Variants in PLEKHG1 observed in about 807,000 individuals in gnomAD.
PLEKHG1 encodes pleckstrin homology domain-containing family G member 1.
PLEKHG1 carries 44 observed loss-of-function variants against 100.8 expected under a neutral mutation model. The observed-to-expected ratio is 0.44, with a 90% CI of 0.34 to 0.56. The LOEUF (loss-of-function observed/expected upper bound fraction) is 0.56. Among genes scored for constraint, PLEKHG1 ranks in the 20% least tolerant of loss-of-function variants. The pLI is 0.01. For synonymous variants in PLEKHG1, 640 were observed against 662.5 expected, an observed-to-expected ratio of 0.97 and a Z score of 0.52; for missense variants, 1,545 against 1,720.9, an observed-to-expected ratio of 0.90 and a Z score of 1.81.
chr6:150,797,971 AAAAT>A (rs1161876313), intron 5 of PLEKHG1, among the ~76,000 whole-genome samples: 2 of 152,034 alleles, frequency 1.3e-5, no homozygotes, highest in African/African-American at 2.4e-5. Flanking sequence ...AAAACAAAAC[AAAAT>A]AAATAAATAG....
intron 3 of PLEKHG1, among the ~76,000 whole-genome samples, chr6:150,659,802 C>T (rs187428889): frequency 9.8e-5 from 15 of 152,304 alleles, no homozygotes; most frequent in Admixed American, 3.9e-4. Context: ...AAAAACTCTG[C>T]TTCAAATACG....
Position 150,801,436 on chromosome 6 carries a change from TC to T in PLEKHG1, c.780+568del, listed in dbSNP as rs1462175492. On this transcript the variant is annotated intron_variant, in intron 6 of 15. Coordinates refer to ENST00000358517, the Ensembl canonical transcript of PLEKHG1. ...TCTTAAATTCTTTTTTCTTTTCTTTTCTTTTTTTTTTTTTTTTTTGAGACAG... is the reference window on the plus strand; with the variant it reads ...TCTTAAATTCTTTTTTCTTTTCTTTTTTTTTTTTTTTTTTTTTTGAGACAG... 5.5e-3 allele frequency among the ~76,000 whole-genome samples: 636 copies of T among 115,610 alleles called. 21 individuals carry two copies. In the East Asian group the frequency reaches 0.079, roughly 14 times the overall value. 75.8% of individuals were successfully genotyped at this position (115,610 alleles called of 152,430 possible).
chr6:150,653,569 G>A (rs1331155531), intron 3 of PLEKHG1, among the ~76,000 whole-genome samples: 2 of 152,042 alleles, frequency 1.3e-5, no homozygotes, highest in Non-Finnish European at 2.9e-5. Flanking sequence ...ATGGCAACAC[G>A]GTGAGACCCC....
At chr6:150,843,615 T>C (rs1282621334) in exon 16 of PLEKHG1, 1 of 152,208 alleles carries the variant, frequency 6.6e-6, no homozygotes, top group African/African-American at 2.4e-5. Context: ...TATAAGATAA[T>C]GAAAGTTAGT....
At chr6:150,796,084 T>C (rs1233717566) in intron 5 of PLEKHG1, among the ~76,000 whole-genome samples, 182 bp downstream of exon 6, 3 of 152,174 alleles carry the variant, frequency 2.0e-5, no homozygotes, top group Non-Finnish European at 2.9e-5. Context: ...CCGTCTGGGC[T>C]TTGGGGCTCC....
At chr6:150,687,738 C>A (rs59155780) in intron 3 of PLEKHG1, among the ~76,000 whole-genome samples, 30,930 of 152,056 alleles carry the variant, frequency 0.2, 5,571 homozygotes, top group African/African-American at 0.49. Context: ...GCCTGCTGCC[C>A]CTCCATGCTC....
chr6:150,805,018 C>T (rs1786977024), intron 7 of PLEKHG1, among the ~76,000 whole-genome samples: 1 of 152,020 alleles, frequency 6.6e-6, no homozygotes, highest in Non-Finnish European at 1.5e-5. Flanking sequence ...TCACCACAAC[C>T]TCTGCCTCTG....
At chr6:150,603,948 G>T (rs964290447) in intron 1 of PLEKHG1, among the ~76,000 whole-genome samples, 1 of 152,148 alleles carries the variant, frequency 6.6e-6, no homozygotes, top group Non-Finnish European at 1.5e-5. Context: ...CTGATGGGAG[G>T]AGAGTCAGGG....
At chr6:150,715,109 T>C (rs901671533) in intron 3 of PLEKHG1, among the ~76,000 whole-genome samples, 2 of 152,138 alleles carry the variant, frequency 1.3e-5, no homozygotes, top group African/African-American at 4.8e-5. Flanking sequence ...TACTGACAGG[T>C]ATTTTTTAAA....
At chr6:150,639,445 T>C (rs2128567058) in intron 2 of PLEKHG1, among the ~76,000 whole-genome samples, 1 of 152,374 alleles carries the variant, frequency 6.6e-6, no homozygotes, top group East Asian at 1.9e-4. Context: ...GAACTACGTA[T>C]TATTGTTAAT....
intron 3 of PLEKHG1, among the ~76,000 whole-genome samples, chr6:150,712,893 T>C (rs1455759388): frequency 7.2e-5 from 11 of 152,254 alleles, no homozygotes; most frequent in African/African-American, 2.4e-4. Context: ...TTAATTTTAA[T>C]TGAAGGACAG....
intron 3 of PLEKHG1, 39 bp from the exon 5 acceptor site, chr6:150,786,351 C>T (rs1785621942): frequency 1.5e-6 from 2 of 1,353,000 alleles, no homozygotes; most frequent in African/African-American, 1.4e-5. Flanking sequence ...ACCCAGAAGA[C>T]TACAATCTAA....
chr6:150,628,576 A>ACACACACACACACACACACACACACAC (rs1317085737), intron 1 of PLEKHG1, among the ~76,000 whole-genome samples: 1 of 108,096 alleles, frequency 9.3e-6, no homozygotes, highest in Non-Finnish European at 2.0e-5. Context: ...ACACACACAC[A>ACACACACACACACACACACACACACAC]CCCCGTCCTT....
At chr6:150,760,114 T>C (rs900516797) in intron 2 of PLEKHG1, among the ~76,000 whole-genome samples, 8 of 152,220 alleles carry the variant, frequency 5.3e-5, no homozygotes, top group Admixed American at 1.3e-4. Context: ...TAAAAACCCT[T>C]TGGGCTTTAC....
intron 6 of PLEKHG1, 121 bp from the exon 8 acceptor site, chr6:150,804,489 G>A (rs1175773915): frequency 7.6e-6 from 6 of 791,164 alleles, no homozygotes; most frequent in South Asian, 2.0e-5. Flanking sequence ...CCAGCTGATA[G>A]TGTGTAAATA....
At chr6:150,738,057 C>G (rs1006454613) in intron 2 of PLEKHG1, among the ~76,000 whole-genome samples, 2 of 151,790 alleles carry the variant, frequency 1.3e-5, no homozygotes, top group African/African-American at 4.8e-5. Flanking sequence ...CAAGAGATCC[C>G]TTTGCCTCAG....
At chr6:150,797,379 C>T (rs904184223) in intron 5 of PLEKHG1, among the ~76,000 whole-genome samples, 1 of 152,074 alleles carries the variant, frequency 6.6e-6, no homozygotes, top group Admixed American at 6.6e-5. Flanking sequence ...TTAAAAGACC[C>T]GGGATGTTGC....
intron 4 of PLEKHG1, among the ~76,000 whole-genome samples, chr6:150,789,666 T>A (rs1785851143): frequency 6.6e-6 from 1 of 152,184 alleles, no homozygotes; most frequent in Non-Finnish European, 1.5e-5. Context: ...ATCCTACAGG[T>A]CCAAAATTGT....
At position 150,683,017 on chromosome 6, in the gene PLEKHG1, T is replaced by C. The variant is rs1437669685; in HGVS notation, c.-99+32231T>C. 6.6e-6 allele frequency among the ~76,000 whole-genome samples: 1 copy of C among 152,358 alleles called. No homozygotes were observed. The highest frequency in any genetic ancestry group is 3.4e-3 in the Middle Eastern group (1 of 294). On this transcript the variant is annotated intron_variant, in intron 3 of 3. Coordinates refer to the PLEKHG1 transcript ENST00000367326. The surrounding 1 kb of genome is among the most constrained non-coding windows in gnomAD (Gnocchi z 4.0). ...CTACAGGGTTGGATGTCATACTTAATGCTGATGGCTTCGTGCGCATCTTAA... is the reference window on the plus strand; with the variant it reads ...CTACAGGGTTGGATGTCATACTTAACGCTGATGGCTTCGTGCGCATCTTAA...
Sources: gnomAD v4.1 joint callset for allele counts (sites outside exome capture counted in the v4.1 genomes callset) on GRCh38, gnomAD v4.1.1 for gene constraint, Gnocchi (gnomAD v3.1) non-coding constraint, MANE v1.5 for transcripts, NCBI Gene and HGNC (gene_info 2026-07-23, HGNC 2026-07-21) for gene names.